Variants in PDGFRL observed in about 807,000 individuals in gnomAD.
PDGFRL encodes platelet derived growth factor receptor like.
Under a neutral mutation model 37.2 loss-of-function variants are expected in PDGFRL, and 46 were observed. The ratio of observed to expected loss-of-function variants is 1.24; its 90% CI spans 0.98 to 1.58. PDGFRL has a LOEUF of 1.58. Ranked by LOEUF, PDGFRL falls within the 40% of genes most tolerant of loss-of-function variation. The pLI is 0.00. For missense variants in PDGFRL, 692 were observed against 467.6 expected, an observed-to-expected ratio of 1.48 and a Z score of -4.43; for synonymous variants, 251 against 184.3, an observed-to-expected ratio of 1.36 and a Z score of -2.93.
intron 2 of PDGFRL, among the ~76,000 whole-genome samples, chr8:17,590,525 A>C (rs1477619646): frequency 6.6e-6 from 1 of 152,030 alleles, no homozygotes; most frequent in Non-Finnish European, 1.5e-5. Flanking sequence ...TAGCCTGGCC[A>C]ACATGGTGAA....
intron 3 of PDGFRL, among the ~76,000 whole-genome samples, chr8:17,622,606 A>T (rs905152683): frequency 3.3e-5 from 5 of 152,112 alleles, no homozygotes; most frequent in African/African-American, 1.2e-4. Context: ...CAGACTTTTT[A>T]CTCCTTAGTT....
chr8:17,599,425 A>G (rs2588136), intron 2 of PDGFRL, among the ~76,000 whole-genome samples: 4 of 152,196 alleles, frequency 2.6e-5, no homozygotes, highest in African/African-American at 9.7e-5. Context: ...TTTACTTAGA[A>G]TAATAGTCTC....
chr8:17,602,187 T>C (rs2129663729), intron 2 of PDGFRL, among the ~76,000 whole-genome samples: 1 of 152,286 alleles, frequency 6.6e-6, no homozygotes, highest in African/African-American at 2.4e-5. Flanking sequence ...CATTGTGGAT[T>C]TGGTTTGGAT....
At chr8:17,611,062 G>T (rs1043241334) in intron 2 of PDGFRL, among the ~76,000 whole-genome samples, 3 of 152,226 alleles carry the variant, frequency 2.0e-5, no homozygotes, top group African/African-American at 7.2e-5. Flanking sequence ...GTCAACTCAT[G>T]TTTCTTTTGC....
chr8:17,641,285 C>A (rs1179707467), intron 5 of PDGFRL, among the ~76,000 whole-genome samples: 1 of 152,210 alleles, frequency 6.6e-6, no homozygotes, highest in African/African-American at 2.4e-5. Flanking sequence ...CTGCTTCACC[C>A]CCTCACCCGA....
At chr8:17,578,673 C>T (rs558342806) in intron 1 of PDGFRL, among the ~76,000 whole-genome samples, 8 of 152,240 alleles carry the variant, frequency 5.3e-5, no homozygotes, top group African/African-American at 1.7e-4. Context: ...TTGTTTATAC[C>T]CAACTTGCCA....
rs192794154 is a variant in PDGFRL at position 17,591,043 on chromosome 8, T to C, written c.353+1278T>C. ...GACTACAGGTGCCTGCCACCACGCCTGGCTAATTTTTTGCTTTTTTAGTAG... is the reference window on the plus strand; with the variant it reads ...GACTACAGGTGCCTGCCACCACGCCCGGCTAATTTTTTGCTTTTTTAGTAG... On this transcript the variant is annotated intron_variant, in intron 2 of 5. Coordinates refer to ENST00000251630, the MANE Select transcript of PDGFRL (RefSeq NM_001372073.1). Among the ~76,000 whole-genome samples the C allele has an allele frequency of 1.9e-3, 295 of 152,158 alleles. 2 individuals are homozygous for C. The highest frequency in any genetic ancestry group is 5.8e-3 in the African/African-American group (241 of 41,540).
At chr8:17,584,627 G>A (rs2720565) in intron 1 of PDGFRL, among the ~76,000 whole-genome samples, 131 of 151,832 alleles carry the variant, frequency 8.6e-4, no homozygotes, top group African/African-American at 3.1e-3. Context: ...CAAGAAGAGC[G>A]TCATCAACTG....
At chr8:17,629,182 A>G (rs2129805126) in intron 4 of PDGFRL, among the ~76,000 whole-genome samples, 1 of 143,482 alleles carries the variant, frequency 7.0e-6, no homozygotes, top group Non-Finnish European at 1.5e-5. Flanking sequence ...CTTTGATCTT[A>G]GCTTCCCAGA....
At chr8:17,585,835 A>G (rs555146656) in intron 1 of PDGFRL, among the ~76,000 whole-genome samples, 124 of 152,312 alleles carry the variant, frequency 8.1e-4, no homozygotes, top group African/African-American at 2.9e-3. Flanking sequence ...TTTGATGAAT[A>G]AGATTTGATT....
upstream of PDGFRL, chr8:17,577,189 T>A: frequency 1.4e-6 from 2 of 1,442,854 alleles, no homozygotes; most frequent in Non-Finnish European, 1.9e-6. Context: ...GCCCGCCGCC[T>A]CCCCTGCGTC....
chr8:17,617,339 C>T (rs561888915), intron 2 of PDGFRL, among the ~76,000 whole-genome samples: 2 of 152,278 alleles, frequency 1.3e-5, no homozygotes, highest in South Asian at 2.1e-4. Context: ...TTGGTCATGA[C>T]ACCTTCTTTT....
intron 2 of PDGFRL, among the ~76,000 whole-genome samples, chr8:17,610,123 C>A (rs1358574030): frequency 1.3e-5 from 2 of 152,176 alleles, no homozygotes. Context: ...ACAGCTTGTT[C>A]TCCTAGCAAG....
chr8:17,629,237 G>T (rs1342136646), intron 4 of PDGFRL, among the ~76,000 whole-genome samples: 1 of 151,944 alleles, frequency 6.6e-6, no homozygotes, highest in Admixed American at 6.6e-5. Context: ...GCCCACTTAT[G>T]CCGTTCTTAA....
intron 4 of PDGFRL, among the ~76,000 whole-genome samples, chr8:17,630,457 A>G (rs1447148712): frequency 1.2e-4 from 18 of 152,096 alleles, no homozygotes; most frequent in Admixed American, 5.9e-4. Flanking sequence ...TTTCCCTTTG[A>G]TATCCAACAG....
intron 2 of PDGFRL, among the ~76,000 whole-genome samples, chr8:17,607,201 C>T (rs1187723944): frequency 6.6e-6 from 1 of 152,106 alleles, no homozygotes; most frequent in Non-Finnish European, 1.5e-5. Flanking sequence ...CAATCCCCTA[C>T]AAACTCTTTG....
intron 5 of PDGFRL, among the ~76,000 whole-genome samples, chr8:17,636,055 C>T (rs1804964575): frequency 6.6e-6 from 1 of 152,206 alleles, no homozygotes; most frequent in Non-Finnish European, 1.5e-5. Flanking sequence ...AATTTTCTCC[C>T]ACTCTGTGGG....
intron 4 of PDGFRL, among the ~76,000 whole-genome samples, chr8:17,630,387 G>T (rs568134504): frequency 6.6e-6 from 1 of 152,128 alleles, no homozygotes; most frequent in Non-Finnish European, 1.5e-5. Context: ...ACTGCCATCC[G>T]TTCCATTGTG....
At chr8:17,588,900 T>C (rs375822436) in intron 1 of PDGFRL, among the ~76,000 whole-genome samples, 2 of 152,302 alleles carry the variant, frequency 1.3e-5, no homozygotes, top group Admixed American at 6.5e-5. Flanking sequence ...ATTTTTGTTT[T>C]CTAAGGGCAA....
Sources: allele counts gnomAD v4.1 joint callset (sites outside exome capture counted in the v4.1 genomes callset), GRCh38; gene constraint gnomAD v4.1.1; transcripts MANE v1.5; gene names NCBI Gene and HGNC (gene_info 2026-07-23, HGNC 2026-07-21).